Variants in ASTN2 observed in about 807,000 individuals in gnomAD.
ASTN2 encodes the protein astrotactin 2, also known as astrotactin-2.
In ASTN2, 54 loss-of-function variants were observed where a neutral mutation model predicts 139.8. The observed-to-expected ratio is 0.39, with a 90% CI of 0.31 to 0.48. The LOEUF (loss-of-function observed/expected upper bound fraction) is 0.48, where lower values mean the gene tolerates loss of function less well. Among genes scored for constraint, ASTN2 ranks in the 20% least tolerant of loss-of-function variants. ASTN2 has a pLI of 0.95. For missense variants in ASTN2, 1,565 were observed against 1,725.1 expected, an observed-to-expected ratio of 0.91 and a Z score of 1.64; for synonymous variants, 756 against 719.5, an observed-to-expected ratio of 1.05 and a Z score of -0.81.
At chr9:116,470,551 G>A (rs1452101265) in intron 20 of ASTN2, among the ~76,000 whole-genome samples, 1 of 152,124 alleles carries the variant, frequency 6.6e-6, no homozygotes, top group Admixed American at 6.5e-5. Context: ...CATTGAGAAG[G>A]GTGGATGGAT....
intron 11 of ASTN2, among the ~76,000 whole-genome samples, chr9:116,860,604 A>G (rs568180322): frequency 6.6e-6 from 1 of 152,310 alleles, no homozygotes; most frequent in South Asian, 2.1e-4. Flanking sequence ...CCTTTCCATG[A>G]TTCTTCAACG....
intron 10 of ASTN2, among the ~76,000 whole-genome samples, chr9:116,888,743 G>T (rs534467783): frequency 6.6e-6 from 1 of 152,134 alleles, no homozygotes; most frequent in Admixed American, 6.5e-5. Flanking sequence ...AGGACATGTA[G>T]GTTTGTTACA....
rs570096031 is a variant in ASTN2 at position 116,769,235 on chromosome 9, T to C, written c.2397-35712A>G. 3.3e-5 allele frequency among the ~76,000 whole-genome samples: 5 copies of C among 152,286 alleles called. No individual in the cohort carries two copies. The South Asian group carries it at 1.0e-3, about 32-fold the overall frequency. On this transcript the variant is annotated intron_variant, in intron 13 of 22. Coordinates refer to ENST00000313400, the MANE Select transcript of ASTN2 (RefSeq NM_001365068.1). ...AATGAGTTTTCAAATGAGTAAACAA[T>C]GGTGCTAAATAAAAGAGTTGGGATG...
At chr9:116,445,489 C>A (rs1037104245) in intron 20 of ASTN2, among the ~76,000 whole-genome samples, 5 of 152,160 alleles carry the variant, frequency 3.3e-5, no homozygotes, top group African/African-American at 1.2e-4. Flanking sequence ...GTTTCATAGG[C>A]CACTTATGTT....
chr9:117,366,290 A>C lies in ASTN2; in HGVS notation c.442+48207T>G, dbSNP rs147316298. 7.2e-5 allele frequency among the ~76,000 whole-genome samples: 11 copies of C among 152,268 alleles called. No homozygotes were observed. The East Asian group carries it at 2.1e-3, about 29-fold the overall frequency. ...ACAATGTTAATGATAAATATTAATA[A>C]TTTAATAAGTAATATTAAACTATAT... is the stretch of plus-strand genomic sequence containing the variant. On this transcript the variant is annotated intron_variant, in intron 1 of 22. Coordinates refer to ENST00000313400, the MANE Select transcript of ASTN2 (RefSeq NM_001365068.1).
rs543856656 is a variant in ASTN2, at chr9:116,953,351, A to G, written c.1889+21857T>C. Among the ~76,000 whole-genome samples, 3 of 152,318 alleles carry G rather than the reference A, an allele frequency of 2.0e-5. No individual in the cohort carries two copies. In the East Asian group the frequency reaches 5.8e-4, roughly 29 times the overall value. On this transcript the variant is annotated intron_variant, in intron 10 of 22. Transcript: ENST00000313400. ...TCTAAACCCTTGCTTTTCCCACTGC[A>G]AATTGTTTTGGCTAGAGAGCAGGCT...
At chr9:116,830,106 A>G (rs960671073) in intron 11 of ASTN2, among the ~76,000 whole-genome samples, 8 of 152,258 alleles carry the variant, frequency 5.3e-5, no homozygotes, top group Non-Finnish European at 1.2e-4. Flanking sequence ...AAATATCCAG[A>G]GACCATAAGG....
At chr9:117,119,009 A>C (rs1169904812) in intron 4 of ASTN2, among the ~76,000 whole-genome samples, 1 of 152,250 alleles carries the variant, frequency 6.6e-6, no homozygotes, top group African/African-American at 2.4e-5. Context: ...TTACAGAAGA[A>C]TAGAACCTGC....
rs1564399779 is a variant in ASTN2 at position 117,045,979 on chromosome 9, T to TACGTACGTACGTAC, written c.1277-6015_1277-6014insGTACGTACGTACGT. Reference sequence around the variant, plus strand: ...TTGTATGTATGTATGTATGTATGTATGTACGTACGTACGTATGTATGTATG... The same window carrying TACGTACGTACGTAC: ...TTGTATGTATGTATGTATGTATGTATACGTACGTACGTACGTACGTACGTACGTATGTATGTATG... On this transcript the variant is annotated intron_variant, in intron 5 of 22. Transcript: ENST00000313400. 9.9e-3 allele frequency among the ~76,000 whole-genome samples: 1,230 copies of TACGTACGTACGTAC among 123,844 alleles called. 6 individuals carry two copies. Among genetic ancestry groups the TACGTACGTACGTAC allele is most frequent in the Middle Eastern group, 0.019 (4 of 216 alleles). 81.2% of individuals were successfully genotyped at this position (123,844 alleles called of 152,430 possible).
At chr9:116,845,597 G>T (rs1477842025) in intron 11 of ASTN2, among the ~76,000 whole-genome samples, 1 of 152,136 alleles carries the variant, frequency 6.6e-6, no homozygotes, top group Non-Finnish European at 1.5e-5. Context: ...CTCTAAAAAT[G>T]ATATACAAAC....
chr9:117,312,417 T>A (rs1177217324), intron 1 of ASTN2, among the ~76,000 whole-genome samples: 1 of 152,202 alleles, frequency 6.6e-6, no homozygotes, highest in Non-Finnish European at 1.5e-5. Context: ...CCAGGCGGAC[T>A]GTTAGTCTCA....
At chr9:116,759,545 A>G (rs1187450945) in intron 13 of ASTN2, among the ~76,000 whole-genome samples, 1 of 152,114 alleles carries the variant, frequency 6.6e-6, no homozygotes, top group African/African-American at 2.4e-5. Context: ...TTGGCTAGTG[A>G]GAAATATAAC....
intron 16 of ASTN2, among the ~76,000 whole-genome samples, chr9:116,679,825 T>A (rs11558410): frequency 0.094 from 14,235 of 151,794 alleles, 1,200 homozygotes; most frequent in South Asian, 0.4. Context: ...TTGAAACCAA[T>A]GAGAACAAAG....
At chr9:117,231,325 C>A (rs1475162181) in intron 2 of ASTN2, among the ~76,000 whole-genome samples, 2 of 152,192 alleles carry the variant, frequency 1.3e-5, no homozygotes, top group Non-Finnish European at 2.9e-5. Flanking sequence ...GCCTACATAC[C>A]TGCCATCCCT....
At chr9:116,724,371 C>T (rs904933824) in intron 16 of ASTN2, among the ~76,000 whole-genome samples, 2 of 152,156 alleles carry the variant, frequency 1.3e-5, no homozygotes, top group Admixed American at 6.5e-5. Flanking sequence ...ACCCCGTGCC[C>T]CACACAGTTG....
chr9:117,303,495 C>A (rs562831773), intron 1 of ASTN2, among the ~76,000 whole-genome samples: 1 of 152,246 alleles, frequency 6.6e-6, no homozygotes, highest in South Asian at 2.1e-4. Context: ...GCCCCCTATG[C>A]CATCTATCCA....
intron 10 of ASTN2, among the ~76,000 whole-genome samples, chr9:116,879,141 C>A (rs1478675728): frequency 6.6e-6 from 1 of 152,136 alleles, no homozygotes; most frequent in African/African-American, 2.4e-5. Flanking sequence ...CTCAGCCTCC[C>A]TCTGCTGTGT....
At chr9:117,011,204 G>C (rs1361053803) in intron 6 of ASTN2, among the ~76,000 whole-genome samples, 1 of 152,204 alleles carries the variant, frequency 6.6e-6, no homozygotes, top group Non-Finnish European at 1.5e-5. Context: ...GGGTTTCCAT[G>C]AAAGAGATTG....
intron 10 of ASTN2, among the ~76,000 whole-genome samples, chr9:116,894,626 A>G (rs1219845943): frequency 6.6e-6 from 1 of 152,182 alleles, no homozygotes; most frequent in Admixed American, 6.5e-5. Flanking sequence ...AGTTGCTGGG[A>G]CTACGGGTGG....
Sources: allele counts gnomAD v4.1 joint callset (sites outside exome capture counted in the v4.1 genomes callset), GRCh38; gene constraint gnomAD v4.1.1; transcripts MANE v1.5; gene names NCBI Gene and HGNC (gene_info 2026-07-23, HGNC 2026-07-21).